FAM107B: variants seen among roughly 807,000 people sequenced by gnomAD.
FAM107B encodes the protein protein FAM107B.
A neutral mutation model predicts 31.5 loss-of-function variants in FAM107B; 21 were observed. That is an observed-to-expected ratio of 0.67 (90% CI 0.47 to 0.96). The LOEUF is 0.96. Ranked by LOEUF, FAM107B falls within the 40% of genes least tolerant of loss-of-function variation. The probability of loss-of-function intolerance (pLI) is 0.00; values close to 1 mark genes in which losing one functional copy is unlikely to be tolerated. For missense variants in FAM107B, 452 were observed against 377.1 expected, an observed-to-expected ratio of 1.20 and a Z score of -1.64; for synonymous variants, 157 against 141.5, an observed-to-expected ratio of 1.11 and a Z score of -0.78.
chr10:14,682,599 G>T (rs546536747), intron 1 of FAM107B, among the ~76,000 whole-genome samples: 1 of 152,276 alleles, frequency 6.6e-6, no homozygotes, highest in South Asian at 2.1e-4. Context: ...CAGGGATATG[G>T]ATGAAGCTGG....
chr10:14,635,981 G>C (rs1043288974), intron 2 of FAM107B, among the ~76,000 whole-genome samples: 3 of 152,118 alleles, frequency 2.0e-5, no homozygotes, highest in African/African-American at 7.2e-5. Context: ...CTCCTGTGGA[G>C]CCAGGTGCAC....
intron 2 of FAM107B, among the ~76,000 whole-genome samples, chr10:14,630,528 T>C (rs1301119887): frequency 3.3e-5 from 5 of 151,496 alleles, no homozygotes; most frequent in Admixed American, 2.6e-4. Context: ...GTCAGTTCTA[T>C]GTTTTTTAAA....
chr10:14,615,268 G>A (rs1469531500), intron 2 of FAM107B, among the ~76,000 whole-genome samples: 2 of 152,162 alleles, frequency 1.3e-5, no homozygotes, highest in Non-Finnish European at 1.5e-5. Flanking sequence ...GGTGAAGGTT[G>A]CAGTGAGCTG....
At chr10:14,550,431 G>C (rs1291630534) in intron 2 of FAM107B, among the ~76,000 whole-genome samples, 1 of 152,124 alleles carries the variant, frequency 6.6e-6, no homozygotes, top group African/African-American at 2.4e-5. Flanking sequence ...ACTCACTCTG[G>C]CAATTCATTG....
chr10:14,683,105 G>C (rs535069717), intron 1 of FAM107B, among the ~76,000 whole-genome samples: 233 of 152,258 alleles, frequency 1.5e-3, no homozygotes, highest in Middle Eastern at 6.8e-3. Flanking sequence ...CTTTTAAGTG[G>C]AGCAGGAATC....
chr10:14,534,323 G>A (rs913053427), intron 2 of FAM107B, among the ~76,000 whole-genome samples: 4 of 152,066 alleles, frequency 2.6e-5, no homozygotes, highest in African/African-American at 2.4e-5. Context: ...TGGTGGTGGC[G>A]GGAGAACCAT....
intron 1 of FAM107B, among the ~76,000 whole-genome samples, chr10:14,709,333 C>T (rs1180111649): frequency 2.0e-5 from 3 of 152,144 alleles, no homozygotes; most frequent in Non-Finnish European, 4.4e-5. Flanking sequence ...GGGCAATTTA[C>T]AAAAGAAAGA....
intron 1 of FAM107B, among the ~76,000 whole-genome samples, chr10:14,742,086 TC>T (rs1856453500): frequency 6.6e-6 from 1 of 152,054 alleles, no homozygotes; most frequent in Non-Finnish European, 1.5e-5. Flanking sequence ...AGGTAATATT[TC>T]CACAGGTGTT....
intron 1 of FAM107B, among the ~76,000 whole-genome samples, chr10:14,748,859 G>A (rs939613242): frequency 6.6e-6 from 1 of 152,166 alleles, no homozygotes; most frequent in Non-Finnish European, 1.5e-5. Flanking sequence ...GTAGCACAAC[G>A]AAAACCAGGT....
At chr10:14,729,293 C>A (rs1407484705) in intron 1 of FAM107B, among the ~76,000 whole-genome samples, 1 of 152,140 alleles carries the variant, frequency 6.6e-6, no homozygotes, top group Non-Finnish European at 1.5e-5. Flanking sequence ...GCTACCGCAC[C>A]TGATCAAGTT....
intron 1 of FAM107B, among the ~76,000 whole-genome samples, chr10:14,756,128 G>A (rs1165021825): frequency 6.6e-6 from 1 of 152,058 alleles, no homozygotes; most frequent in Non-Finnish European, 1.5e-5. Flanking sequence ...ATTAAAGGAT[G>A]GATCAATAAA....
chr10:14,610,301 C>T (rs930983400), intron 2 of FAM107B, among the ~76,000 whole-genome samples: 1 of 152,104 alleles, frequency 6.6e-6, no homozygotes, highest in East Asian at 1.9e-4. Flanking sequence ...CAAGATCACA[C>T]CACTGCACTC....
intron 1 of FAM107B, among the ~76,000 whole-genome samples, chr10:14,700,851 AACG>A (rs1855382556): frequency 1.8e-5 from 1 of 55,012 alleles, no homozygotes; most frequent in African/African-American, 6.4e-5. Context: ...AAAAAAAAAA[AACG>A]CACTAGGGTG....
intron 2 of FAM107B, among the ~76,000 whole-genome samples, chr10:14,627,035 C>G (rs538157491): frequency 6.6e-6 from 1 of 152,128 alleles, no homozygotes; most frequent in Non-Finnish European, 1.5e-5. Flanking sequence ...TCTCCGGATG[C>G]TCTTAATTAG....
At chr10:14,669,791 G>A (rs1190223051) in intron 1 of FAM107B, among the ~76,000 whole-genome samples, 2 of 152,180 alleles carry the variant, frequency 1.3e-5, no homozygotes, top group Non-Finnish European at 2.9e-5. Flanking sequence ...TGCGGTGTGG[G>A]GAATGAAGAG....
chr10:14,558,288 CACAT>C (rs1187966665), intron 2 of FAM107B, among the ~76,000 whole-genome samples: 2 of 149,014 alleles, frequency 1.3e-5, no homozygotes, highest in East Asian at 1.9e-4. Context: ...CGCACACACA[CACAT>C]ACACGCACAC....
chr10:14,565,248 A>C (rs1251754325), intron 2 of FAM107B, among the ~76,000 whole-genome samples: 17 of 152,182 alleles, frequency 1.1e-4, no homozygotes, highest in Non-Finnish European at 1.8e-4. Flanking sequence ...GGCATTCGAC[A>C]AAGGAGTAGC....
intron 1 of FAM107B, among the ~76,000 whole-genome samples, chr10:14,685,765 CCTCT>C (rs1224228330): frequency 6.6e-6 from 1 of 152,118 alleles, no homozygotes; most frequent in Non-Finnish European, 1.5e-5. Flanking sequence ...GCTCAGTCTC[CCTCT>C]CTATCAGTCT....
intron 1 of FAM107B, among the ~76,000 whole-genome samples, chr10:14,680,963 G>C (rs1000882168): frequency 6.6e-6 from 1 of 152,160 alleles, no homozygotes; most frequent in African/African-American, 2.4e-5. Context: ...TCTATGAAGT[G>C]TATTTCCCAG....
Sources: gnomAD v4.1 joint callset for allele counts (sites outside exome capture counted in the v4.1 genomes callset) on GRCh38, gnomAD v4.1.1 for gene constraint, MANE v1.5 for transcripts, NCBI Gene and HGNC (gene_info 2026-07-23, HGNC 2026-07-21) for gene names.